The following GPHN variants were observed in gnomAD, a reference collection of about 807,000 sequenced individuals.
The protein encoded by GPHN is gephyrin.
Under a neutral mutation model 95.5 loss-of-function variants are expected in GPHN, and 17 were observed. The ratio of observed to expected loss-of-function variants is 0.18; its 90% CI spans 0.12 to 0.27. GPHN has a LOEUF of 0.27. GPHN is among the 10% of genes least tolerant of loss of function. GPHN has a pLI of 1.00. For synonymous variants in GPHN, 320 were observed against 322.5 expected (o/e 0.99, Z 0.08); for missense variants, 660 against 978.1 (o/e 0.67, Z 4.34).
the GPHN span, among the ~76,000 whole-genome samples, chr14:67,496,714 TTTTC>T: frequency 8.7e-5 from 13 of 149,512 alleles, no homozygotes; most frequent in African/African-American, 2.0e-4. Context: ...TCCCTTCCCC[TTTTC>T]TTTCTTTCTC....
chr14:67,080,719 T>C (rs1371034638), intron 11 of GPHN, among the ~76,000 whole-genome samples: 1 of 152,150 alleles, frequency 6.6e-6, no homozygotes, highest in African/African-American at 2.4e-5. Flanking sequence ...CCAAGCTGTA[T>C]ACACTGTACC....
the GPHN span, among the ~76,000 whole-genome samples, chr14:67,625,712 G>T: frequency 9.0e-6 from 1 of 111,168 alleles, no homozygotes; most frequent in Non-Finnish European, 1.8e-5. Flanking sequence ...AAACTGGAAA[G>T]ACTTCATCAA....
At chr14:67,077,433 C>T (rs547796527) in intron 11 of GPHN, among the ~76,000 whole-genome samples, 24 of 152,188 alleles carry the variant, frequency 1.6e-4, no homozygotes, top group Non-Finnish European at 2.9e-4. Flanking sequence ...ACTTAAAATG[C>T]GTTTATCAGG....
At chr14:66,879,791 G>C in intron 4 of GPHN, 148 bp from the exon 5 acceptor site, 1 of 665,212 alleles carries the variant, frequency 1.5e-6, no homozygotes. Context: ...ATTGAGTCTG[G>C]ATGCCTCAAA....
intron 1 of GPHN, among the ~76,000 whole-genome samples, chr14:66,624,735 A>C (rs1355864855): frequency 1.3e-5 from 2 of 152,238 alleles, no homozygotes; most frequent in Non-Finnish European, 2.9e-5. Flanking sequence ...AAGAATACAC[A>C]CTTGAGACTG....
At chr14:66,727,269 T>A (rs1350450032) in intron 2 of GPHN, among the ~76,000 whole-genome samples, 2 of 152,234 alleles carry the variant, frequency 1.3e-5, no homozygotes, top group African/African-American at 4.8e-5. Flanking sequence ...TCTCTTTCTT[T>A]TGTAAATTGC....
the GPHN span, among the ~76,000 whole-genome samples, chr14:67,496,221 T>C: frequency 6.6e-6 from 1 of 151,902 alleles, no homozygotes; most frequent in Admixed American, 6.6e-5. Flanking sequence ...TGTATCTATT[T>C]ATTTATTTAT....
chr14:67,011,908 A>G (rs1028920293), intron 9 of GPHN, among the ~76,000 whole-genome samples: 2 of 149,776 alleles, frequency 1.3e-5, no homozygotes, highest in African/African-American at 2.4e-5. Flanking sequence ...AGCAGGCAAG[A>G]TGTCTCAAAA....
chr14:66,613,562 G>A (rs774280387), intron 1 of GPHN, among the ~76,000 whole-genome samples: 11 of 152,202 alleles, frequency 7.2e-5, no homozygotes, highest in Non-Finnish European at 1.2e-4. Context: ...TTGCTGCTCC[G>A]TACACATCTA....
chr14:67,102,564 G>A (rs902652467), intron 13 of GPHN, among the ~76,000 whole-genome samples: 6 of 152,066 alleles, frequency 3.9e-5, no homozygotes, highest in Admixed American at 2.0e-4. Context: ...GGAGGCTGAG[G>A]CAGGAGAATC....
chr14:67,674,281 G>A, the GPHN span: 1 of 1,209,660 alleles, frequency 8.3e-7, no homozygotes, highest in Non-Finnish European at 1.1e-6. Context: ...GGAGGGAGGA[G>A]ACGCGGGCCC....
At chr14:67,266,813 A>G in the GPHN span, among the ~76,000 whole-genome samples, 1 of 152,146 alleles carries the variant, frequency 6.6e-6, no homozygotes, top group African/African-American at 2.4e-5. Flanking sequence ...ATCTTTTAAA[A>G]AAACTTCGTT....
the GPHN span, among the ~76,000 whole-genome samples, chr14:67,305,284 A>G: frequency 6.6e-6 from 1 of 151,936 alleles, no homozygotes; most frequent in Non-Finnish European, 1.5e-5. Context: ...AGAAGTTAAG[A>G]CATTTTTTTT....
At chr14:67,272,205 A>C in the GPHN span, 1 of 152,196 alleles carries the variant, frequency 6.6e-6, no homozygotes, top group East Asian at 1.9e-4. Context: ...TTTGTATTTA[A>C]GACCTTTCAT....
intron 5 of GPHN, among the ~76,000 whole-genome samples, chr14:66,891,762 A>ATTT (rs75592829): frequency 1.3e-4 from 19 of 150,852 alleles, no homozygotes; most frequent in South Asian, 1.2e-3. Flanking sequence ...ATATATATAT[A>ATTT]TTTTTTTTAA....
intron 1 of GPHN, among the ~76,000 whole-genome samples, chr14:66,566,651 G>A (rs1239259973): frequency 1.3e-5 from 2 of 152,148 alleles, no homozygotes; most frequent in Non-Finnish European, 2.9e-5. Context: ...CTAGCACTGG[G>A]AGGTAATTAC....
the GPHN span, among the ~76,000 whole-genome samples, chr14:67,568,635 G>C: frequency 2.6e-5 from 4 of 152,060 alleles, no homozygotes; most frequent in Non-Finnish European, 5.9e-5. Context: ...AGAAACAATA[G>C]AGAATTTTTT....
chr14:66,918,818 C>T (rs80298517), intron 6 of GPHN, among the ~76,000 whole-genome samples: 2,304 of 152,154 alleles, frequency 0.015, 33 homozygotes, highest in Non-Finnish European at 0.018. Context: ...AATTCTTTAC[C>T]ACACAATCTT....
chr14:66,579,488 T>G (rs2061060293), intron 1 of GPHN, among the ~76,000 whole-genome samples: 1 of 150,006 alleles, frequency 6.7e-6, no homozygotes, highest in South Asian at 2.1e-4. Context: ...AGGACACAAA[T>G]AGACTGAAAG....
Sources: gnomAD v4.1 joint callset for allele counts (sites outside exome capture counted in the v4.1 genomes callset) on GRCh38, gnomAD v4.1.1 for gene constraint, MANE v1.5 for transcripts, NCBI Gene and HGNC (gene_info 2026-07-23, HGNC 2026-07-21) for gene names.